SELPLG: variants seen among roughly 807,000 people sequenced by gnomAD.
The protein encoded by SELPLG is selectin P ligand.
SELPLG carries 2 observed loss-of-function variants against 1.1 expected under a neutral mutation model. The observed-to-expected ratio is 1.82, with a 90% CI of 0.74 to 5.71. The LOEUF (loss-of-function observed/expected upper bound fraction) is 5.71. SELPLG is among the 30% of genes most tolerant of loss of function. The pLI is 0.05. For missense variants in SELPLG, 478 were observed against 524.7 expected (o/e 0.91, Z 0.87); for synonymous variants, 230 against 221.2 (o/e 1.04, Z -0.35).
chr12:108,631,214 T>A (rs1442815165), intron 1 of SELPLG, among the ~76,000 whole-genome samples: 1 of 152,070 alleles, frequency 6.6e-6, no homozygotes, highest in Non-Finnish European at 1.5e-5. Context: ...CATCAGGGAG[T>A]CTCTGTAGAC....
In SELPLG at chr12:108,623,284, C is replaced by T; in HGVS notation, c.1024G>A (p.Ala342Thr). 2 of 1,614,124 alleles carry T rather than the reference C, an allele frequency of 1.2e-6. No homozygotes were observed. The highest frequency in any genetic ancestry group is 1.7e-6 in the Non-Finnish European group (2 of 1,179,994). ...TGGCCCTTGCGGGAGAGGCGGACCG[C>T]CAGCACCACAGTGCACACGAAGAAG... is the stretch of plus-strand genomic sequence containing the variant. ...TIFFVCTVVLAVRLSRKGHMY... is the reference protein window; with the variant it reads ...TIFFVCTVVLTVRLSRKGHMY... The change falls in exon 2 of 2, where the codon GCG becomes ACG. Residue 342 changes from alanine to threonine, a missense_variant. Transcript: ENST00000550948.
rs575091378 is a variant in SELPLG at position 108,622,908 on chromosome 12, G to T, written c.*161C>A. On this transcript the variant is annotated 3_prime_UTR_variant, in exon 2 of 2. Transcript: ENST00000550948. ...TTGCCCGTCTGCTTGGCCCCAGGCT[G>T]CTCTTGTCCTGTTTGGGTGGCCAGA... 1.2e-3 allele frequency: 802 copies of T among 683,426 alleles called. No individual in the cohort carries two copies. The highest frequency in any genetic ancestry group is 1.8e-3 in the Non-Finnish European group (768 of 436,584). The allele number at this position is 683,426 out of a possible 1,614,324, so 42.3% of individuals were successfully genotyped here. A position where few individuals can be genotyped will look rare whatever the true frequency, so the allele number is the denominator to read the frequency against.
At chr12:108,631,651 C>T (rs8179116) in intron 1 of SELPLG, among the ~76,000 whole-genome samples, 3,181 of 152,106 alleles carry the variant, frequency 0.021, 124 homozygotes, top group African/African-American at 0.072. Context: ...TTACACCCCC[C>T]TCCCTACCCT....
In SELPLG at chr12:108,622,240, G is replaced by T; in HGVS notation, c.*829C>A. The T allele has an allele frequency of 6.6e-6, 1 of 152,398 alleles. No homozygotes were observed. Among genetic ancestry groups the T allele is most frequent in the Non-Finnish European group, 1.5e-5 (1 of 68,064 alleles). The allele number at this position is 152,398 out of a possible 1,614,324, so 9.4% of individuals were successfully genotyped here. ...GAGAATTCCGGGAAGGCTGCCTGAA[G>T]GAGACAGCCTTGAAACCTTGAAGGA... On this transcript the variant is annotated 3_prime_UTR_variant, in exon 2 of 2. Coordinates refer to ENST00000550948, the MANE Select transcript of SELPLG (RefSeq NM_003006.4).
chr12:108,621,922 G>C lies in SELPLG; in HGVS notation c.*1147C>G, dbSNP rs921125191. On this transcript the variant is annotated 3_prime_UTR_variant, in exon 2 of 2. Transcript: ENST00000550948. ...TTTTTTTTTCTTTAACAGGAGGATA[G>C]ATTGATGTTTAGAGGGATATTGGTC... Among the ~76,000 whole-genome samples the C allele has an allele frequency of 6.6e-6, 1 of 152,080 alleles. No homozygotes were observed. Among genetic ancestry groups the C allele is most frequent in the Non-Finnish European group, 1.5e-5 (1 of 68,028 alleles).
chr12:108,631,959 T>A lies in SELPLG; in HGVS notation c.-6+1781A>T, dbSNP rs1268115918. 2.0e-6 allele frequency: 3 copies of A among 1,533,680 alleles called. No individual in the cohort carries two copies. In the East Asian group the frequency reaches 7.3e-5, roughly 38 times the overall value. ...ACACAGGCCTAGGGTCACCACGAAC[T>A]CCATGGGCATCCTGCAGCCAGAAGC... On this transcript the variant is annotated intron_variant, in intron 1 of 1. Coordinates refer to ENST00000550948, the MANE Select transcript of SELPLG (RefSeq NM_003006.4).
intron 1 of SELPLG, among the ~76,000 whole-genome samples, chr12:108,626,231 T>C (rs1377632469): frequency 1.4e-5 from 2 of 146,554 alleles, no homozygotes; most frequent in African/African-American, 2.5e-5. Flanking sequence ...GCCTCCCGGG[T>C]TCAAGCAATT....
intron 1 of SELPLG, chr12:108,631,995 G>A: frequency 6.9e-7 from 1 of 1,451,426 alleles, no homozygotes; most frequent in Non-Finnish European, 9.3e-7. Flanking sequence ...CATGCCGCCA[G>A]AGGCAGCTGC....
In SELPLG at chr12:108,623,782, G is replaced by A. The variant is rs2031876222; in HGVS notation, c.526C>T (p.Pro176Ser). Residue 176 changes from proline to serine, a missense_variant, in exon 2 of 2, where the codon CCA becomes TCA. By Grantham distance (74) the Pro-to-Ser change is moderately conservative. Coordinates refer to ENST00000550948, the MANE Select transcript of SELPLG (RefSeq NM_003006.4). ...LAATEAQTTP[P>S]AATEAQTTQP... ...GTGGTCTGTGCTTCCGTGGCTGCTG[G>A]TGGAGTGGTCTGTGCCTCTGTGGCT... 2.5e-6 allele frequency: 4 copies of A among 1,613,564 alleles called. No individual in the cohort carries two copies. Among genetic ancestry groups the A allele is most frequent in the East Asian group, 4.5e-5 (2 of 44,884 alleles).
Position 108,623,045 on chromosome 12 carries a change from T to G in SELPLG, c.*24A>C. On this transcript the variant is annotated 3_prime_UTR_variant, in exon 2 of 2. Coordinates refer to ENST00000550948, the MANE Select transcript of SELPLG (RefSeq NM_003006.4). ...AGGAGAGCCCGTGGAGGTGGGGTCT[T>G]GCCAAAACAGATGGCAGAGTGAGCT... 6.8e-7 allele frequency: 1 copy of G among 1,468,884 alleles called. No individual in the cohort carries two copies. The highest frequency in any genetic ancestry group is 9.0e-7 in the Non-Finnish European group (1 of 1,109,262). The allele number at this position is 1,468,884 out of a possible 1,614,324, so 91.0% of individuals were successfully genotyped here.
At chr12:108,628,780 T>TA (rs1394287499) in intron 1 of SELPLG, 1 of 152,202 alleles carries the variant, frequency 6.6e-6, no homozygotes, top group African/African-American at 2.4e-5. Flanking sequence ...ACCCTTCCCC[T>TA]ACAGCCATCC....
In SELPLG at chr12:108,624,104, G is replaced by A; in HGVS notation, c.204C>T (p.Asp68=). The A allele has an allele frequency of 4.3e-6, 7 of 1,614,190 alleles. No individual in the cohort carries two copies. Among genetic ancestry groups the A allele is most frequent in the Non-Finnish European group, 5.9e-6 (7 of 1,180,004 alleles). Residue 68 remains aspartate, a synonymous_variant, in exon 2 of 2, where the codon GAC becomes GAT. Coordinates refer to ENST00000550948, the MANE Select transcript of SELPLG (RefSeq NM_003006.4). ...TTCCAGGCCCAGTCAGAGGAGTGGT[G>A]TCAGTGCTGTTCCTCAGCATTTCTG... is the stretch of plus-strand genomic sequence containing the variant. The part of the protein sequence containing the change: ...EPPEMLRNST[D]TTPLTGPGTP...
chr12:108,631,848 C>T (rs1388088798), intron 1 of SELPLG: 25 of 1,466,066 alleles, frequency 1.7e-5, no homozygotes, highest in Non-Finnish European at 2.2e-5. Context: ...AGACCCCCAA[C>T]ACACACACAC....
At chr12:108,631,886 T>C (rs1592823449) in intron 1 of SELPLG, 6 of 1,535,598 alleles carry the variant, frequency 3.9e-6, no homozygotes, top group Middle Eastern at 1.7e-4. Flanking sequence ...TCTAGACCAC[T>C]GGCCCCCACT....
In SELPLG at chr12:108,630,249, G is replaced by A. The variant is rs576500263; in HGVS notation, c.-6+3491C>T. ...CCAGGCCCCATCTAGACCCCATATG[G>A]GCCCCATCTAGGCTGTGTGGAGGAG... is the stretch of plus-strand genomic sequence containing the variant. On this transcript the variant is annotated intron_variant, in intron 1 of 1. Transcript: ENST00000550948. Among the ~76,000 whole-genome samples the A allele has an allele frequency of 2.6e-3, 402 of 152,274 alleles. 3 individuals are homozygous for A. The highest frequency in any genetic ancestry group is 6.8e-3 in the Middle Eastern group (2 of 294).
intron 1 of SELPLG, among the ~76,000 whole-genome samples, chr12:108,632,407 T>C (rs1305327041): frequency 1.3e-5 from 2 of 150,552 alleles, no homozygotes; most frequent in African/African-American, 2.5e-5. Context: ...TGTGTGTGTG[T>C]GTGTGTGTGT....
At chr12:108,633,663 G>T (rs1028094533) in intron 1 of SELPLG, 77 bp downstream of exon 1, 1 of 152,316 alleles carries the variant, frequency 6.6e-6, no homozygotes, top group African/African-American at 2.4e-5. Flanking sequence ...ACCCGGGCCT[G>T]CCAGCAGCTA....
rs559409504 is a variant in SELPLG, at chr12:108,623,578, T to C, written c.730A>G (p.Thr244Ala). The change falls in exon 2 of 2, where the codon ACT becomes GCT. Residue 244 changes from threonine (T) to alanine (A), a missense_variant. By Grantham distance (58) the Thr-to-Ala change is moderately conservative (BLOSUM62 0). Coordinates refer to ENST00000550948, the MANE Select transcript of SELPLG (RefSeq NM_003006.4). ...TGTGCCTCCGTGGCTGTGGGTTGAGTGGTCTGTGCCTCCGTGGCTTCTGGT... is the reference window on the plus strand; with the variant it reads ...TGTGCCTCCGTGGCTGTGGGTTGAGCGGTCTGTGCCTCCGTGGCTTCTGGT... Reference protein sequence around the residue: ...TAPEATEAQTTQPTATEAQTT... With the variant: ...TAPEATEAQTAQPTATEAQTT... 1 of 1,613,176 alleles carries C rather than the reference T, an allele frequency of 6.2e-7. No individual in the cohort carries two copies. Among genetic ancestry groups the C allele is most frequent in the South Asian group, 1.1e-5 (1 of 91,002 alleles).
intron 1 of SELPLG, among the ~76,000 whole-genome samples, chr12:108,627,504 C>A (rs933799359): frequency 3.3e-5 from 5 of 152,256 alleles, no homozygotes; most frequent in Admixed American, 3.3e-4. Flanking sequence ...CAAGTCCTAG[C>A]TCTGTCCCTT....
Sources: allele counts gnomAD v4.1 joint callset (sites outside exome capture counted in the v4.1 genomes callset), GRCh38; gene constraint gnomAD v4.1.1; transcripts MANE v1.5; gene names NCBI Gene and HGNC (gene_info 2026-07-23, HGNC 2026-07-21).